Variants in PDE1C observed in about 807,000 individuals in gnomAD.
PDE1C encodes the protein phosphodiesterase 1C.
In PDE1C, 62 loss-of-function variants were observed where a neutral mutation model predicts 93.1. The observed-to-expected ratio is 0.67, with a 90% CI of 0.54 to 0.82. PDE1C has a LOEUF of 0.82. Ranked by LOEUF, PDE1C falls within the 40% of genes least tolerant of loss-of-function variation. The pLI, the probability that PDE1C is intolerant of heterozygous loss-of-function variation, is 0.00. For synonymous variants in PDE1C, 325 were observed against 310.1 expected, an observed-to-expected ratio of 1.05 and a Z score of -0.50; for missense variants, 742 against 884.6, an observed-to-expected ratio of 0.84 and a Z score of 2.04.
downstream of PDE1C, among the ~76,000 whole-genome samples, chr7:31,750,306 G>A (rs552401477): frequency 3.0e-3 from 13 of 4,288 alleles, no homozygotes; most frequent in African/African-American, 3.1e-3. Flanking sequence ...GGCCAAGGGC[G>A]TGGGGATACA....
intron 5 of PDE1C, among the ~76,000 whole-genome samples, chr7:31,875,318 C>T (rs1796413432): frequency 6.6e-6 from 1 of 152,126 alleles, no homozygotes. Context: ...AATATCAGGA[C>T]TTAGAGAACA....
chr7:32,074,650 G>A (rs1413422645), upstream of PDE1C, among the ~76,000 whole-genome samples: 2 of 152,188 alleles, frequency 1.3e-5, no homozygotes, highest in Non-Finnish European at 2.9e-5. Context: ...GCATGGATGA[G>A]GGGATCATTC....
the PDE1C span, among the ~76,000 whole-genome samples, chr7:31,637,872 CT>C: frequency 1.3e-5 from 2 of 152,148 alleles, no homozygotes; most frequent in Non-Finnish European, 2.9e-5. Context: ...GGTTTTAGGT[CT>C]AACATGTAAG....
intron 3 of PDE1C, among the ~76,000 whole-genome samples, chr7:32,140,418 A>G (rs571676532): frequency 6.6e-6 from 1 of 152,342 alleles, no homozygotes; most frequent in South Asian, 2.1e-4. Flanking sequence ...TCCTGCACTC[A>G]GCTGCATTAC....
intron 2 of PDE1C, among the ~76,000 whole-genome samples, chr7:32,042,127 C>T (rs1361766310): frequency 6.6e-6 from 1 of 152,074 alleles, no homozygotes; most frequent in Admixed American, 6.6e-5. Context: ...TAGTAAAACC[C>T]CGTCTCTATT....
intron 2 of PDE1C, among the ~76,000 whole-genome samples, chr7:31,917,842 A>G (rs1802122993): frequency 6.6e-6 from 1 of 152,204 alleles, no homozygotes; most frequent in Admixed American, 6.5e-5. Flanking sequence ...AAAAATATCT[A>G]TACCTCTGCT....
At chr7:32,218,874 C>T (rs903341559) in intron 1 of PDE1C, among the ~76,000 whole-genome samples, 1 of 152,170 alleles carries the variant, frequency 6.6e-6, no homozygotes, top group Non-Finnish European at 1.5e-5. Context: ...AATCAATTGC[C>T]ATCTGTTTAG....
At chr7:31,638,881 A>G in the PDE1C span, among the ~76,000 whole-genome samples, 1 of 152,042 alleles carries the variant, frequency 6.6e-6, no homozygotes, top group Non-Finnish European at 1.5e-5. Flanking sequence ...GGTTCGAGCA[A>G]TTCTTTTGCC....
chr7:32,317,036 T>C (rs1783189672), intron 1 of PDE1C, among the ~76,000 whole-genome samples: 1 of 152,096 alleles, frequency 6.6e-6, no homozygotes, highest in Non-Finnish European at 1.5e-5. Context: ...CAGCCAGCGC[T>C]CCACACACGC....
chr7:32,198,979 C>T (rs1584944312), intron 2 of PDE1C, among the ~76,000 whole-genome samples: 1 of 151,904 alleles, frequency 6.6e-6, no homozygotes, highest in South Asian at 2.1e-4. Flanking sequence ...AACAATTCGC[C>T]GGGCATGGTG....
At chr7:32,247,062 C>G (rs565748350) in intron 1 of PDE1C, among the ~76,000 whole-genome samples, 1 of 152,252 alleles carries the variant, frequency 6.6e-6, no homozygotes, top group Admixed American at 6.5e-5. Flanking sequence ...CTGTGGAAAT[C>G]CAGAAGGAGT....
chr7:31,651,830 T>A, the PDE1C span: 1 of 683,954 alleles, frequency 1.5e-6, no homozygotes, highest in Non-Finnish European at 2.5e-6. Context: ...AAAGATGACA[T>A]TCTCTTTTAA....
chr7:31,827,068 T>C (rs1187214296), intron 12 of PDE1C, among the ~76,000 whole-genome samples: 1 of 152,204 alleles, frequency 6.6e-6, no homozygotes, highest in African/African-American at 2.4e-5. Flanking sequence ...TCTTTAGATA[T>C]GCCCTCATTT....
the PDE1C span, among the ~76,000 whole-genome samples, chr7:31,637,665 A>G: frequency 1.3e-5 from 2 of 151,946 alleles, no homozygotes; most frequent in South Asian, 4.2e-4. Flanking sequence ...GATTGCGAAA[A>G]TTTTCTCCCA....
chr7:32,335,424 G>T (rs1562679061), intron 1 of PDE1C, among the ~76,000 whole-genome samples: 1 of 152,176 alleles, frequency 6.6e-6, no homozygotes, highest in Non-Finnish European at 1.5e-5. Context: ...GTTTGCTAGG[G>T]CTTCCATAGC....
intron 2 of PDE1C, among the ~76,000 whole-genome samples, chr7:32,186,005 G>A (rs73104554): frequency 0.4 from 30,206 of 74,882 alleles, 3,544 homozygotes; most frequent in East Asian, 0.55. Flanking sequence ...TTTCTAATTC[G>A]TCTTTGCTTT....
chr7:32,313,517 C>T lies in PDE1C; in HGVS notation c.311-103978G>A, dbSNP rs970038927. Among the ~76,000 whole-genome samples, 47 of 151,672 alleles carry T rather than the reference C, an allele frequency of 3.1e-4. 1 individual carries two copies. The highest frequency in any genetic ancestry group is 9.9e-4 in the African/African-American group (41 of 41,218). On this transcript the variant is annotated intron_variant, in intron 1 of 1. Coordinates refer to the PDE1C transcript ENST00000672256. ...TGGAACCAACCCAAATGTCCAACAACGATAGACTGGATTAAGAAAATATGG... is the reference window on the plus strand; with the variant it reads ...TGGAACCAACCCAAATGTCCAACAATGATAGACTGGATTAAGAAAATATGG...
chr7:32,115,449 C>T (rs1798937596), intron 3 of PDE1C, among the ~76,000 whole-genome samples: 1 of 152,002 alleles, frequency 6.6e-6, no homozygotes, highest in Non-Finnish European at 1.5e-5. Context: ...AGGGGAACAA[C>T]ACACATCAGG....
chr7:31,772,795 C>T (rs1795584178), intron 17 of PDE1C, among the ~76,000 whole-genome samples: 1 of 152,218 alleles, frequency 6.6e-6, no homozygotes, highest in African/African-American at 2.4e-5. Flanking sequence ...CCAATTAAAT[C>T]CATTCACTGG....
Sources: allele counts gnomAD v4.1 joint callset (sites outside exome capture counted in the v4.1 genomes callset), GRCh38; gene constraint gnomAD v4.1.1; transcripts MANE v1.5; gene names NCBI Gene and HGNC (gene_info 2026-07-23, HGNC 2026-07-21).